The following ZNF235 variants were observed in gnomAD, a reference collection of about 807,000 sequenced individuals.
The protein encoded by ZNF235 is zinc finger protein 235, also known as zfp-93.
In ZNF235, 25 loss-of-function variants were observed where a neutral mutation model predicts 29.4. The ratio of observed to expected loss-of-function variants is 0.85; its 90% CI spans 0.62 to 1.19. The LOEUF is 1.19. Among genes scored for constraint, ZNF235 ranks in the 50% most tolerant of loss-of-function variants. The pLI, the probability that ZNF235 is intolerant of heterozygous loss-of-function variation, is 0.00. For synonymous variants in ZNF235, 300 were observed against 295.3 expected (o/e 1.02, Z -0.16); for missense variants, 788 against 885.0 (o/e 0.89, Z 1.39).
At chr19:44,299,883 G>A in intron 2 of ZNF235, 151 bp from the exon 3 acceptor site, 1 of 1,184,932 alleles carries the variant, frequency 8.4e-7, no homozygotes, top group East Asian at 2.4e-5. Context: ...CATGTAACGT[G>A]GTGCCCTTTA....
intron 1 of ZNF235, chr19:44,304,748 G>A (rs1975806210): frequency 1.0e-6 from 1 of 985,486 alleles, no homozygotes. Flanking sequence ...GTAGGTGCGT[G>A]AGGACGGCTA....
intron 4 of ZNF235, among the ~76,000 whole-genome samples, chr19:44,292,752 C>T (rs79272346): frequency 0.041 from 6,258 of 151,812 alleles, 189 homozygotes; most frequent in South Asian, 0.085. Flanking sequence ...ATGAACTCCA[C>T]GAAAATACAT....
intron 1 of ZNF235, among the ~76,000 whole-genome samples, chr19:44,304,517 AAAC>A (rs563972263): frequency 1.1e-3 from 168 of 152,340 alleles, no homozygotes; most frequent in African/African-American, 3.8e-3. Flanking sequence ...AGGAGTTTCC[AAAC>A]AACAGGCGTC....
At chr19:44,291,449 T>C (rs925765765) in intron 4 of ZNF235, among the ~76,000 whole-genome samples, 7 of 152,048 alleles carry the variant, frequency 4.6e-5, no homozygotes, top group African/African-American at 1.4e-4. Flanking sequence ...AAACACAAAG[T>C]AAGCATAAAT....
intron 2 of ZNF235, among the ~76,000 whole-genome samples, chr19:44,300,827 G>A (rs975788065): frequency 7.5e-5 from 10 of 133,550 alleles, no homozygotes; most frequent in South Asian, 2.7e-4. Context: ...ATGACAGAGC[G>A]AGACTCCGTC....
rs1358015624 is a variant in ZNF235 at position 44,303,462 on chromosome 19, G to C, written c.-48-10C>G. ...TTCCGGGGAAGTGAACCTGAGGGAG[G>C]GAAAGGCATCATGAGATAGGTTAGG... On this transcript the variant is annotated splice_polypyrimidine_tract_variant and intron_variant, in intron 1 of 4. Transcript: ENST00000291182. 1.3e-6 allele frequency: 2 copies of C among 1,596,912 alleles called. No individual in the cohort carries two copies. The highest frequency in any genetic ancestry group is 1.7e-6 in the Non-Finnish European group (2 of 1,169,412).
chr19:44,290,397 C>G (rs1204279786), intron 4 of ZNF235: 1 of 152,302 alleles, frequency 6.6e-6, no homozygotes, highest in Non-Finnish European at 1.5e-5. Context: ...ACACCAGCTC[C>G]ACAGAGGCTG....
At position 44,288,773 on chromosome 19, in the gene ZNF235, G is replaced by A. The variant is rs760384959; in HGVS notation, c.662C>T (p.Ser221Leu). The A allele has an allele frequency of 1.2e-6, 2 of 1,613,908 alleles. No individual in the cohort carries two copies. The highest frequency in any genetic ancestry group is 1.7e-6 in the Non-Finnish European group (2 of 1,179,944). Residue 221 changes from serine to leucine, a missense_variant, in exon 5 of 5, where the codon TCA becomes TTA. Coordinates refer to ENST00000291182, the MANE Select transcript of ZNF235 (RefSeq NM_004234.4). ...CACTATATTATCATCATGGTGGTGT[G>A]AAATACAACTGAAAATGTCAACATA... is the stretch of plus-strand genomic sequence containing the variant. ...APYVDIFSCI[S>L]HHHDDNIVHK...
intron 1 of ZNF235, 109 bp downstream of exon 1, chr19:44,304,862 C>T (rs753293422): frequency 1.3e-5 from 13 of 985,378 alleles, no homozygotes; most frequent in Non-Finnish European, 1.6e-5. Context: ...CCCCGCCCTC[C>T]AGCGCTGGCC....
intron 4 of ZNF235, among the ~76,000 whole-genome samples, chr19:44,292,956 T>A (rs963765086): frequency 5.3e-5 from 8 of 151,984 alleles, no homozygotes; most frequent in African/African-American, 4.8e-5. Context: ...AACAAAAAAA[T>A]TTGTATCCTA....
chr19:44,295,307 T>A (rs187286937), intron 4 of ZNF235, among the ~76,000 whole-genome samples: 91 of 151,994 alleles, frequency 6.0e-4, no homozygotes, highest in African/African-American at 2.0e-3. Context: ...ATGATCAGGC[T>A]AAAAACCAAA....
intron 2 of ZNF235, among the ~76,000 whole-genome samples, chr19:44,302,713 C>A (rs1466992993): frequency 6.7e-6 from 1 of 149,128 alleles, no homozygotes; most frequent in Non-Finnish European, 1.5e-5. Context: ...TGCACTCCAG[C>A]CTGGGAAACA....
intron 4 of ZNF235, among the ~76,000 whole-genome samples, chr19:44,296,545 G>A (rs1975656706): frequency 6.6e-6 from 1 of 152,140 alleles, no homozygotes; most frequent in Non-Finnish European, 1.5e-5. Context: ...CCTCAGTTTG[G>A]TGGATTAGAT....
chr19:44,294,048 A>G (rs1186073912), intron 4 of ZNF235, among the ~76,000 whole-genome samples: 2 of 152,024 alleles, frequency 1.3e-5, no homozygotes, highest in Non-Finnish European at 2.9e-5. Context: ...GAAGAAAGAT[A>G]TAACAAAGAC....
chr19:44,295,306 C>T (rs1264173947), intron 4 of ZNF235, among the ~76,000 whole-genome samples: 1 of 151,722 alleles, frequency 6.6e-6, no homozygotes, highest in East Asian at 1.9e-4. Flanking sequence ...AATGATCAGG[C>T]TAAAAACCAA....
At chr19:44,302,804 G>C (rs1173034688) in intron 2 of ZNF235, among the ~76,000 whole-genome samples, 2 of 132,118 alleles carry the variant, frequency 1.5e-5, no homozygotes, top group African/African-American at 3.0e-5. Flanking sequence ...ACTTATATAT[G>C]AGTATATATA....
intron 4 of ZNF235, among the ~76,000 whole-genome samples, chr19:44,292,302 C>T (rs187828834): frequency 2.5e-4 from 38 of 150,820 alleles, no homozygotes; most frequent in Admixed American, 2.2e-3. Flanking sequence ...CAATGAGATA[C>T]AAAAGAAATT....
At chr19:44,294,275 T>A (rs1009295695) in intron 4 of ZNF235, among the ~76,000 whole-genome samples, 1 of 151,956 alleles carries the variant, frequency 6.6e-6, no homozygotes, top group Non-Finnish European at 1.5e-5. Context: ...TTATGAACAA[T>A]ACACTTGAAA....
chr19:44,302,158 A>C (rs984359813), intron 2 of ZNF235, among the ~76,000 whole-genome samples: 4 of 152,300 alleles, frequency 2.6e-5, no homozygotes, highest in African/African-American at 9.6e-5. Context: ...CCATAAAATG[A>C]GGTGCTGTGT....
Sources: gnomAD v4.1 joint callset for allele counts (sites outside exome capture counted in the v4.1 genomes callset) on GRCh38, gnomAD v4.1.1 for gene constraint, MANE v1.5 for transcripts, NCBI Gene and HGNC (gene_info 2026-07-23, HGNC 2026-07-21) for gene names.